The following GRM8 variants were observed in gnomAD, a reference collection of about 807,000 sequenced individuals.
GRM8 encodes glutamate metabotropic receptor 8.
A neutral mutation model predicts 87.2 loss-of-function variants in GRM8; 47 were observed. The observed-to-expected ratio is 0.54, with a 90% CI of 0.43 to 0.69. The LOEUF is 0.69. Among genes scored for constraint, GRM8 ranks in the 30% least tolerant of loss-of-function variants. The pLI is 0.00. For missense variants in GRM8, 1,019 were observed against 1,139.2 expected, an observed-to-expected ratio of 0.89 and a Z score of 1.52; for synonymous variants, 396 against 404.5, an observed-to-expected ratio of 0.98 and a Z score of 0.25.
rs556146427 is a variant in GRM8 at position 126,680,890 on chromosome 7, A to AT, written c.1358-71393dup. Among the ~76,000 whole-genome samples, 119 of 152,210 alleles carry AT rather than the reference A, an allele frequency of 7.8e-4. 2 individuals carry two copies. Among genetic ancestry groups the AT allele is most frequent in the African/African-American group, 2.7e-3 (112 of 41,532 alleles). ...TGTTTGGTTACTCTTTACGTGATTA[A>AT]TTTTCCCTTGTTAGTTGCTGTTCAC... On this transcript the variant is annotated intron_variant, in intron 7 of 10. Transcript: ENST00000339582.
chr7:127,073,977 G>T (rs1005556867), intron 3 of GRM8, among the ~76,000 whole-genome samples: 3 of 152,172 alleles, frequency 2.0e-5, no homozygotes, highest in Non-Finnish European at 4.4e-5. Context: ...AACCAAAGGA[G>T]TATCCTTTCA....
intron 3 of GRM8, among the ~76,000 whole-genome samples, chr7:127,094,533 A>C (rs1011467519): frequency 6.6e-6 from 1 of 152,250 alleles, no homozygotes; most frequent in African/African-American, 2.4e-5. Flanking sequence ...TGATGCTTCT[A>C]CTTGCCAAGG....
At chr7:127,189,477 C>T (rs1563567807) in intron 2 of GRM8, among the ~76,000 whole-genome samples, 1 of 152,198 alleles carries the variant, frequency 6.6e-6, no homozygotes, top group Non-Finnish European at 1.5e-5. Context: ...ATATTCAGCA[C>T]ATATCCCCAA....
chr7:127,090,451 CA>C (rs1324287008), intron 3 of GRM8, among the ~76,000 whole-genome samples: 2 of 152,132 alleles, frequency 1.3e-5, no homozygotes, highest in Non-Finnish European at 2.9e-5. Flanking sequence ...CATTCCAAAC[CA>C]ATTGAAAGAG....
chr7:126,626,092 T>C (rs1042839706), intron 7 of GRM8, among the ~76,000 whole-genome samples: 1 of 114,516 alleles, frequency 8.7e-6, no homozygotes. Context: ...TGATTACATA[T>C]ATGAGAGAAG....
At chr7:127,047,142 A>T (rs1003102648) in intron 3 of GRM8, among the ~76,000 whole-genome samples, 33 of 152,322 alleles carry the variant, frequency 2.2e-4, no homozygotes, top group African/African-American at 7.2e-4. Context: ...AATTTTTTTT[A>T]AAAAGTTTAT....
At chr7:126,789,038 A>T (rs945595931) in intron 6 of GRM8, among the ~76,000 whole-genome samples, 1 of 152,210 alleles carries the variant, frequency 6.6e-6, no homozygotes, top group Non-Finnish European at 1.5e-5. Flanking sequence ...CATATCAAAC[A>T]TATCACAAAT....
At chr7:126,464,334 T>C (rs1394553386) in intron 9 of GRM8, among the ~76,000 whole-genome samples, 1 of 151,766 alleles carries the variant, frequency 6.6e-6, no homozygotes, top group Admixed American at 6.6e-5. Context: ...TTTCAGTCTA[T>C]GCATCTTTAT....
At chr7:126,657,943 A>G (rs1804719867) in intron 7 of GRM8, among the ~76,000 whole-genome samples, 1 of 152,372 alleles carries the variant, frequency 6.6e-6, no homozygotes, top group Non-Finnish European at 1.5e-5. Context: ...GCCGGAAACG[A>G]CAAACTAAAA....
intron 3 of GRM8, among the ~76,000 whole-genome samples, chr7:126,991,755 T>A (rs1217209681): frequency 6.6e-6 from 1 of 152,166 alleles, no homozygotes; most frequent in African/African-American, 2.4e-5. Flanking sequence ...AATCTCATTA[T>A]GTTAGAGGGA....
At chr7:126,644,361 C>T (rs1373135542) in intron 7 of GRM8, among the ~76,000 whole-genome samples, 1 of 152,092 alleles carries the variant, frequency 6.6e-6, no homozygotes, top group East Asian at 1.9e-4. Flanking sequence ...TCACATCATC[C>T]CTTGGCTTTT....
At chr7:127,194,286 T>C (rs1032325909) in intron 2 of GRM8, among the ~76,000 whole-genome samples, 9 of 152,230 alleles carry the variant, frequency 5.9e-5, no homozygotes, top group Non-Finnish European at 1.3e-4. Flanking sequence ...CTTTAGTTTC[T>C]TCATCTGTAA....
At chr7:126,577,818 TTC>T (rs902023941) in intron 8 of GRM8, among the ~76,000 whole-genome samples, 5 of 152,000 alleles carry the variant, frequency 3.3e-5, no homozygotes, top group African/African-American at 1.2e-4. Context: ...AGCATTTTTT[TTC>T]TCTCTCTCTC....
At chr7:126,769,791 A>G (rs1818622025) in intron 7 of GRM8, 74 bp downstream of exon 7, 1 of 911,040 alleles carries the variant, frequency 1.1e-6, no homozygotes, top group South Asian at 1.4e-5. Context: ...CTGCCTGGGT[A>G]TCTTCTATAT....
chr7:126,480,028 A>G (rs1806482642), intron 9 of GRM8, among the ~76,000 whole-genome samples: 1 of 152,136 alleles, frequency 6.6e-6, no homozygotes, highest in African/African-American at 2.4e-5. Flanking sequence ...CCGTATTACA[A>G]ATAAATTATA....
At chr7:126,448,552 G>T (rs892239895) in intron 9 of GRM8, among the ~76,000 whole-genome samples, 10 of 151,946 alleles carry the variant, frequency 6.6e-5, no homozygotes, top group East Asian at 1.9e-4. Flanking sequence ...ATAAATTACC[G>T]CAGTCTATCC....
At chr7:127,200,160 TC>T in intron 2 of GRM8, among the ~76,000 whole-genome samples, 1 of 152,288 alleles carries the variant, frequency 6.6e-6, no homozygotes, top group East Asian at 1.9e-4. Flanking sequence ...CTCAGGCTCA[TC>T]CCCACACATA....
chr7:126,532,103 T>C (rs758289932), intron 9 of GRM8, among the ~76,000 whole-genome samples: 12 of 152,196 alleles, frequency 7.9e-5, no homozygotes, highest in Non-Finnish European at 1.8e-4. Flanking sequence ...GTTCTCTGCT[T>C]TTCTGTACAT....
intron 7 of GRM8, among the ~76,000 whole-genome samples, chr7:126,637,072 C>T (rs570055471): frequency 6.6e-6 from 1 of 151,930 alleles, no homozygotes; most frequent in Non-Finnish European, 1.5e-5. Context: ...GGCCCATTGT[C>T]AAGTTCATTG....
Sources: allele counts gnomAD v4.1 joint callset (sites outside exome capture counted in the v4.1 genomes callset), GRCh38; gene constraint gnomAD v4.1.1; transcripts MANE v1.5; gene names NCBI Gene and HGNC (gene_info 2026-07-23, HGNC 2026-07-21).